The following ZNF280D variants were observed in gnomAD, a reference collection of about 807,000 sequenced individuals.
ZNF280D encodes the protein zinc finger protein 280D.
Under a neutral mutation model 94.7 loss-of-function variants are expected in ZNF280D, and 39 were observed. The ratio of observed to expected loss-of-function variants is 0.41; its 90% CI spans 0.32 to 0.54. ZNF280D has a LOEUF of 0.54. Among genes scored for constraint, ZNF280D ranks in the 20% least tolerant of loss-of-function variants. ZNF280D has a pLI of 0.22. For synonymous variants in ZNF280D, 398 were observed against 377.6 expected (o/e 1.05, Z -0.63); for missense variants, 1,090 against 1,149.3 (o/e 0.95, Z 0.75).
intron 14 of ZNF280D, among the ~76,000 whole-genome samples, chr15:56,667,733 C>A (rs1229333787): frequency 3.3e-5 from 5 of 152,084 alleles, no homozygotes; most frequent in Admixed American, 6.6e-5. Context: ...CATACAATGG[C>A]ACTGGACCAG....
intron 13 of ZNF280D, among the ~76,000 whole-genome samples, chr15:56,675,635 A>T (rs1173506000): frequency 6.6e-6 from 1 of 152,012 alleles, no homozygotes; most frequent in East Asian, 1.9e-4. Context: ...ACTCTCAAGG[A>T]TGTGTGGCAT....
At chr15:56,701,485 A>G (rs1414504919) in intron 4 of ZNF280D, among the ~76,000 whole-genome samples, 1 of 152,166 alleles carries the variant, frequency 6.6e-6, no homozygotes, top group African/African-American at 2.4e-5. Flanking sequence ...TCAAAATCCA[A>G]AATTCAGAAG....
intron 6 of ZNF280D, 74 bp from the exon 7 acceptor site, chr15:56,693,289 T>C (rs1368414117): frequency 2.5e-6 from 1 of 407,432 alleles, no homozygotes; most frequent in Non-Finnish European, 3.9e-6. Context: ...TTATATATTA[T>C]GTAATTTTAT....
rs1190304508 is a variant in ZNF280D, at chr15:56,703,007, TCAAA to T, written c.175+1110_175+1113del. On this transcript the variant is annotated intron_variant, in intron 4 of 21. Transcript: ENST00000267807. ...AATTCTTTGGTAAATTCTCCTGGCTTCAAACAAACAAGTAAATGAAATGGAAAAG... is the reference window on the plus strand; with the variant it reads ...AATTCTTTGGTAAATTCTCCTGGCTTCAAACAAGTAAATGAAATGGAAAAG... 5.3e-5 allele frequency among the ~76,000 whole-genome samples: 8 copies of T among 150,934 alleles called. No individual in the cohort carries two copies. In the East Asian group the frequency reaches 5.8e-4, roughly 11 times the overall value.
intron 7 of ZNF280D, among the ~76,000 whole-genome samples, chr15:56,691,175 TATA>T (rs1184734978): frequency 6.6e-6 from 1 of 152,092 alleles, no homozygotes; most frequent in African/African-American, 2.4e-5. Context: ...AGGGGAAAAA[TATA>T]ATAATAGATT....
intron 20 of ZNF280D, among the ~76,000 whole-genome samples, chr15:56,640,028 C>T (rs558188459): frequency 5.0e-4 from 76 of 150,964 alleles, no homozygotes; most frequent in Admixed American, 9.3e-4. Flanking sequence ...GAAATTGCAA[C>T]GTTAGAAAAA....
chr15:56,662,830 C>CAAAAAAAAAAAA, intron 16 of ZNF280D, among the ~76,000 whole-genome samples: 1 of 50,862 alleles, frequency 2.0e-5, no homozygotes, highest in Non-Finnish European at 4.2e-5. Flanking sequence ...GACTCTGTCT[C>CAAAAAAAAAAAA]AAAAAAAAAA....
intron 1 of ZNF280D, among the ~76,000 whole-genome samples, chr15:56,721,729 A>G (rs2058372844): frequency 6.6e-6 from 1 of 152,238 alleles, no homozygotes; most frequent in South Asian, 2.1e-4. Context: ...CCTTTGGCTT[A>G]AGGGAATGTT....
At chr15:56,635,296 T>G (rs1596317015) in intron 20 of ZNF280D, 46 bp from the exon 21 acceptor site, 2 of 1,140,400 alleles carry the variant, frequency 1.8e-6, no homozygotes, top group African/African-American at 3.2e-5. Context: ...CAGTTAATCT[T>G]AAAACTATTT....
chr15:56,723,237 A>G (rs1273176984), intron 1 of ZNF280D, among the ~76,000 whole-genome samples: 2 of 151,912 alleles, frequency 1.3e-5, no homozygotes, highest in African/African-American at 4.8e-5. Context: ...ATAATAAAAA[A>G]ATAAATAAAT....
intron 9 of ZNF280D, among the ~76,000 whole-genome samples, chr15:56,686,654 C>T (rs1239496433): frequency 6.6e-6 from 1 of 151,996 alleles, no homozygotes; most frequent in Non-Finnish European, 1.5e-5. Flanking sequence ...TGATAAATAT[C>T]GAATTCCATA....
intron 13 of ZNF280D, among the ~76,000 whole-genome samples, chr15:56,673,667 A>G (rs1351097061): frequency 6.6e-6 from 1 of 151,978 alleles, no homozygotes; most frequent in African/African-American, 2.4e-5. Flanking sequence ...CTCCACATGA[A>G]TTGGCCTGCA....
chr15:56,695,569 C>T (rs1337234515), intron 6 of ZNF280D, among the ~76,000 whole-genome samples: 1 of 137,562 alleles, frequency 7.3e-6, no homozygotes, highest in Non-Finnish European at 1.5e-5. Flanking sequence ...CTCACTCTGT[C>T]ACCAGGCTGG....
chr15:56,728,794 C>T (rs184119495), intron 1 of ZNF280D, among the ~76,000 whole-genome samples: 11 of 152,244 alleles, frequency 7.2e-5, no homozygotes, highest in Admixed American at 7.2e-4. Context: ...CTGTTTTTCA[C>T]TTTCAGTACA....
At chr15:56,650,545 T>C (rs527733906) in intron 19 of ZNF280D, among the ~76,000 whole-genome samples, 2 of 152,262 alleles carry the variant, frequency 1.3e-5, no homozygotes, top group African/African-American at 2.4e-5. Context: ...GAGAACTAAA[T>C]CAACTTTTAA....
At chr15:56,660,630 A>C (rs999904094) in intron 16 of ZNF280D, among the ~76,000 whole-genome samples, 9 of 152,122 alleles carry the variant, frequency 5.9e-5, no homozygotes, top group Non-Finnish European at 1.2e-4. Flanking sequence ...AAATCTAAGA[A>C]AGGTTTTTTA....
Position 56,701,045 on chromosome 15 carries a change from C to T in ZNF280D, c.269G>A (p.Ser90Asn), listed in dbSNP as rs758648921. The T allele has an allele frequency of 1.9e-6, 3 of 1,613,778 alleles. No homozygotes were observed. Among genetic ancestry groups the T allele is most frequent in the East Asian group, 4.5e-5 (2 of 44,854 alleles). Residue 90 changes from serine to asparagine, a missense_variant, in exon 6 of 22, where the codon AGT becomes AAT. Ser to Asn is a conservative substitution (Grantham distance 46). This residue lies in a region of ZNF280D where 386 missense variants were observed against 372.0 expected (regional missense o/e 1.04). Transcript: ENST00000267807. The stretch of plus-strand genomic sequence containing the variant: ...TGATGTTGGATTCGTGTAGTGTTGA[C>T]TTGTAGGCTTGAATGCAGCAGTAAT... ...RGITAAFKPT[S>N]QHYTNPTSNP...
intron 1 of ZNF280D, among the ~76,000 whole-genome samples, chr15:56,721,125 G>A (rs1406002592): frequency 2.0e-5 from 3 of 152,144 alleles, no homozygotes; most frequent in East Asian, 1.9e-4. Context: ...ACCACGCCTG[G>A]CTAATTTTTA....
chr15:56,732,453 G>C (rs2058939043), intron 1 of ZNF280D, among the ~76,000 whole-genome samples: 1 of 152,184 alleles, frequency 6.6e-6, no homozygotes, highest in Non-Finnish European at 1.5e-5. Flanking sequence ...TGGCACAGCA[G>C]TCCCCCAAAG....
Sources: gnomAD v4.1 joint callset for allele counts (sites outside exome capture counted in the v4.1 genomes callset) on GRCh38, gnomAD v4.1.1 for gene constraint, gnomAD v4.1.1 regional missense constraint, MANE v1.5 for transcripts, NCBI Gene and HGNC (gene_info 2026-07-23, HGNC 2026-07-21) for gene names.